The following TMEM163 variants were observed in gnomAD, a reference collection of about 807,000 sequenced individuals.
TMEM163 encodes the protein transmembrane protein 163.
Under a neutral mutation model 29.3 loss-of-function variants are expected in TMEM163, and 17 were observed. The observed-to-expected ratio is 0.58, with a 90% CI of 0.40 to 0.87. The LOEUF is 0.87. Among genes scored for constraint, TMEM163 ranks in the 40% least tolerant of loss-of-function variants. The probability of loss-of-function intolerance (pLI) is 0.00; values close to 1 mark genes in which losing one functional copy is unlikely to be tolerated. For synonymous variants in TMEM163, 157 were observed against 160.6 expected, an observed-to-expected ratio of 0.98 and a Z score of 0.17; for missense variants, 303 against 381.5, an observed-to-expected ratio of 0.79 and a Z score of 1.71.
chr2:134,703,601 G>A lies in TMEM163; in HGVS notation c.322+9599C>T, dbSNP rs191576017. Among the ~76,000 whole-genome samples, 88 of 152,158 alleles carry A rather than the reference G, an allele frequency of 5.8e-4. 2 individuals carry two copies. The Middle Eastern group carries it at 0.01, about 18-fold the overall frequency. ...CAGGAAGTCAGTCTGCTTGTGTGGG[G>A]CCAGGAGTATAAAAGAGTAAATTAT... On this transcript the variant is annotated intron_variant, in intron 2 of 7. Transcript: ENST00000281924.
At chr2:134,473,648 A>G (rs1049345918) in intron 5 of TMEM163, among the ~76,000 whole-genome samples, 1 of 152,154 alleles carries the variant, frequency 6.6e-6, no homozygotes, top group Non-Finnish European at 1.5e-5. Context: ...ATAAACCTCC[A>G]GGACTCATCT....
Position 134,674,503 on chromosome 2 carries a change from G to A in TMEM163, c.322+38697C>T, listed in dbSNP as rs927547495. The stretch of plus-strand genomic sequence containing the variant: ...GGACTACAGGCGCGCGCGCGCGCGC[G>A]CGCGCGCTACCATATCTGGCTAATT... On this transcript the variant is annotated intron_variant, in intron 2 of 7. Coordinates refer to ENST00000281924, the MANE Select transcript of TMEM163 (RefSeq NM_030923.5). Among the ~76,000 whole-genome samples the A allele has an allele frequency of 2.2e-4, 20 of 90,378 alleles. No individual in the cohort carries two copies. In the South Asian group the frequency reaches 5.2e-3, roughly 24 times the overall value. 59.3% of individuals were successfully genotyped at this position (90,378 alleles called of 152,430 possible).
chr2:134,489,643 T>C (rs1240711259), intron 5 of TMEM163, among the ~76,000 whole-genome samples: 1 of 152,166 alleles, frequency 6.6e-6, no homozygotes, highest in Non-Finnish European at 1.5e-5. Context: ...ACAACAATGT[T>C]ATAGTTCCTA....
intron 2 of TMEM163, among the ~76,000 whole-genome samples, chr2:134,674,453 C>T (rs1574329713): frequency 6.6e-6 from 1 of 150,514 alleles, no homozygotes; most frequent in Non-Finnish European, 1.5e-5. Flanking sequence ...AAGAGATTCC[C>T]CTGCCTCAGC....
chr2:134,656,535 A>C (rs1683620612), intron 2 of TMEM163, among the ~76,000 whole-genome samples: 1 of 152,118 alleles, frequency 6.6e-6, no homozygotes, highest in African/African-American at 2.4e-5. Context: ...GGAGCTGTAG[A>C]CCGGAGCTGT....
At chr2:134,561,210 TTTG>T (rs945668572) in intron 2 of TMEM163, among the ~76,000 whole-genome samples, 21 of 152,298 alleles carry the variant, frequency 1.4e-4, no homozygotes, top group African/African-American at 5.1e-4. Context: ...TATTATTATT[TTTG>T]TTGTTGTTGA....
chr2:134,534,653 C>T (rs1680491210), intron 4 of TMEM163, among the ~76,000 whole-genome samples: 1 of 152,036 alleles, frequency 6.6e-6, no homozygotes, highest in African/African-American at 2.4e-5. Context: ...GCTTGGGAGG[C>T]TGAGGCAGGA....
At chr2:134,706,109 C>G (rs751987727) in intron 2 of TMEM163, among the ~76,000 whole-genome samples, 1 of 152,194 alleles carries the variant, frequency 6.6e-6, no homozygotes, top group Non-Finnish European at 1.5e-5. Context: ...CCACTGTGAG[C>G]GGAGACTCAG....
At chr2:134,660,364 T>C (rs1193833876) in intron 2 of TMEM163, among the ~76,000 whole-genome samples, 3 of 151,960 alleles carry the variant, frequency 2.0e-5, no homozygotes, top group African/African-American at 7.3e-5. Context: ...AGGCAAGATA[T>C]AACAGAGGCC....
In TMEM163 at chr2:134,718,763, C is replaced by A; in HGVS notation, c.173G>T (p.Gly58Val). 6.1e-6 allele frequency: 7 copies of A among 1,154,506 alleles called. No homozygotes were observed. The highest frequency in any genetic ancestry group is 7.5e-6 in the Non-Finnish European group (7 of 938,578). 71.5% of individuals were successfully genotyped at this position (1,154,506 alleles called of 1,614,324 possible). The part of the protein sequence containing the change: ...EERQVRISES[G>V]QFSDGLEDRG... Reference sequence around the variant, plus strand: ...GTCCTCCAGCCCGTCGCTGAACTGGCCGCTCTCGCTGATCCGCACCTGCCG... The same window carrying A: ...GTCCTCCAGCCCGTCGCTGAACTGGACGCTCTCGCTGATCCGCACCTGCCG... The change falls in exon 1 of 8, where the codon GGC becomes GTC. Residue 58 changes from glycine (G) to valine (V), a missense_variant. Physicochemically the swap from Gly to Val is moderately radical, Grantham distance 109 (BLOSUM62 -3). Around this residue, in one of 2 missense-constraint regions of TMEM163, gnomAD observed 100 missense variants for 87.2 expected, o/e 1.15. Coordinates refer to ENST00000281924, the MANE Select transcript of TMEM163 (RefSeq NM_030923.5).
At chr2:134,713,537 T>C in intron 1 of TMEM163, 1 of 701,736 alleles carries the variant, frequency 1.4e-6, no homozygotes, top group Non-Finnish European at 2.5e-6. Flanking sequence ...ATGGGCCGTG[T>C]ATTTCTGCAG....
intron 2 of TMEM163, among the ~76,000 whole-genome samples, chr2:134,678,739 A>G (rs1214221539): frequency 6.6e-6 from 1 of 152,216 alleles, no homozygotes; most frequent in Admixed American, 6.5e-5. Flanking sequence ...GCACATTTGT[A>G]TTATTTTTCC....
chr2:134,605,299 A>T (rs1347794474), intron 2 of TMEM163, among the ~76,000 whole-genome samples: 1 of 152,206 alleles, frequency 6.6e-6, no homozygotes, highest in African/African-American at 2.4e-5. Context: ...ATGTTACAAA[A>T]GTTCACTTGA....
rs1253678874 is a variant in TMEM163, at chr2:134,652,092, G to T, written c.322+61108C>A. On this transcript the variant is annotated intron_variant, in intron 2 of 7. Transcript: ENST00000281924. ...TCCAATTCTGTGAGGAAAGTCATTG[G>T]TAGCTTTATGGGAATGGCATTGAAT... 1.3e-4 allele frequency among the ~76,000 whole-genome samples: 18 copies of T among 140,846 alleles called. 2 individuals are homozygous for T. The highest frequency in any genetic ancestry group is 1.4e-4 in the Admixed American group (2 of 14,358). 92.4% of individuals were successfully genotyped at this position (140,846 alleles called of 152,430 possible). A position where few individuals can be genotyped will look rare whatever the true frequency, so the allele number is the denominator to read the frequency against.
intron 2 of TMEM163, among the ~76,000 whole-genome samples, chr2:134,688,805 T>A (rs1353951122): frequency 6.6e-6 from 1 of 152,058 alleles, no homozygotes; most frequent in African/African-American, 2.4e-5. Context: ...CACTCCCTCC[T>A]CCCTGCTACC....
chr2:134,525,788 C>T (rs1680281778), intron 4 of TMEM163, among the ~76,000 whole-genome samples: 1 of 152,202 alleles, frequency 6.6e-6, no homozygotes, highest in Non-Finnish European at 1.5e-5. Context: ...GCCTCTGACA[C>T]CTAGCTGGAC....
At chr2:134,545,230 C>T (rs898591854) in intron 4 of TMEM163, among the ~76,000 whole-genome samples, 2 of 152,144 alleles carry the variant, frequency 1.3e-5, no homozygotes, top group Admixed American at 6.5e-5. Context: ...TCACCAACCC[C>T]ACCCGCACCC....
intron 5 of TMEM163, 51 bp downstream of exon 5, chr2:134,502,850 A>C (rs1558925137): frequency 6.5e-7 from 1 of 1,544,428 alleles, no homozygotes. Flanking sequence ...GAGGCAGCCC[A>C]GGGGGCCAGC....
At chr2:134,521,555 GTCAT>G (rs1475827249) in intron 4 of TMEM163, among the ~76,000 whole-genome samples, 4 of 152,170 alleles carry the variant, frequency 2.6e-5, no homozygotes, top group African/African-American at 9.7e-5. Flanking sequence ...CCTGCTCTAA[GTCAT>G]TTTAGGGTGT....
Sources: gnomAD v4.1 joint callset for allele counts (sites outside exome capture counted in the v4.1 genomes callset) on GRCh38, gnomAD v4.1.1 for gene constraint, gnomAD v4.1.1 regional missense constraint, MANE v1.5 for transcripts, NCBI Gene and HGNC (gene_info 2026-07-23, HGNC 2026-07-21) for gene names.